Variants in CSMD2 observed in about 807,000 individuals in gnomAD.
CSMD2 encodes the protein CUB and Sushi multiple domains 2.
A neutral mutation model predicts 398.5 loss-of-function variants in CSMD2; 130 were observed. The observed-to-expected ratio is 0.33, with a 90% confidence interval of 0.28 to 0.38. The LOEUF is 0.38. Among genes scored for constraint, CSMD2 ranks in the 10% least tolerant of loss-of-function variants. The probability of loss-of-function intolerance (pLI) is 1.00; values close to 1 mark genes in which losing one functional copy is unlikely to be tolerated. For synonymous variants in CSMD2, 1,828 were observed against 1,908.5 expected (o/e 0.96, Z 1.10); for missense variants, 3,829 against 4,764.9 (o/e 0.80, Z 5.78).
chr1:34,132,570 G>A (rs1441556781), intron 1 of CSMD2, among the ~76,000 whole-genome samples: 1 of 152,206 alleles, frequency 6.6e-6, no homozygotes, highest in Non-Finnish European at 1.5e-5. Context: ...TTGTGAAGGT[G>A]TTCAGGAAAA....
chr1:33,527,417 C>G (rs568517527), intron 64 of CSMD2, among the ~76,000 whole-genome samples, 159 bp from the exon 65 acceptor site: 1 of 152,238 alleles, frequency 6.6e-6, no homozygotes, highest in Admixed American at 6.5e-5. Flanking sequence ...CTTTGATGCT[C>G]TAATGATGCT....
intron 8 of CSMD2, 128 bp downstream of exon 8, chr1:33,820,341 G>A (rs1657965735): frequency 1.4e-6 from 1 of 710,070 alleles, no homozygotes; most frequent in Non-Finnish European, 2.5e-6. Context: ...CTCTTCTCCA[G>A]GAAGTGTCTG....
At chr1:33,829,774 C>T (rs12071720) in intron 6 of CSMD2, among the ~76,000 whole-genome samples, 18,059 of 152,204 alleles carry the variant, frequency 0.12, 1,918 homozygotes, top group African/African-American at 0.29. Flanking sequence ...GGGTGACAGA[C>T]GGCACGTGGA....
At chr1:33,888,756 T>TTGTTGTTG (rs1553244526) in intron 5 of CSMD2, among the ~76,000 whole-genome samples, 2 of 148,822 alleles carry the variant, frequency 1.3e-5, no homozygotes, top group Non-Finnish European at 1.5e-5. Flanking sequence ...TCAACTGATT[T>TTGTTGTTG]TTGTTGTTGT....
intron 19 of CSMD2, among the ~76,000 whole-genome samples, chr1:33,723,619 G>C (rs953512463): frequency 6.6e-6 from 1 of 152,190 alleles, no homozygotes; most frequent in Non-Finnish European, 1.5e-5. Context: ...AGTGCAGGCT[G>C]GTGACCCATA....
At chr1:33,837,369 C>T (rs1055162926) in intron 6 of CSMD2, among the ~76,000 whole-genome samples, 2 of 150,196 alleles carry the variant, frequency 1.3e-5, no homozygotes, top group African/African-American at 2.5e-5. Context: ...GGGATATATT[C>T]ATTCATGTTG....
At position 33,605,344 on chromosome 1, in the gene CSMD2, G is replaced by A. The variant is rs1391875028; in HGVS notation, c.6470C>T (p.Pro2157Leu). 1 of 1,614,220 alleles carries A rather than the reference G, an allele frequency of 6.2e-7. No individual in the cohort carries two copies. Among genetic ancestry groups the A allele is most frequent in the South Asian group, 1.1e-5 (1 of 91,086 alleles). Residue 2157 changes from proline (P) to leucine (L), a missense_variant, in exon 42 of 71, where the codon CCT (proline) becomes CTT (leucine). Transcript: ENST00000373381. ...GGTGCCATGTTGACACGTGAGGACA[G>A]GGTGGCCAGTCAATTGATACCCCGG... ...CLPGYQLTGH[P>L]VLTCQHGTNR...
At position 33,527,940 on chromosome 1, in the gene CSMD2, CAAAAAA is replaced by C. The variant is rs61088318; in HGVS notation, c.10172-688_10172-683del. Among the ~76,000 whole-genome samples the C allele has an allele frequency of 5.8e-3, 633 of 108,538 alleles. 2 individuals are homozygous for C. Among genetic ancestry groups the C allele is most frequent in the Non-Finnish European group, 8.8e-3 (468 of 53,336 alleles). The allele number at this position is 108,538 out of a possible 152,430, so 71.2% of individuals were successfully genotyped here. On this transcript the variant is annotated intron_variant, in intron 64 of 70. Coordinates refer to ENST00000373381, the MANE Select transcript of CSMD2 (RefSeq NM_001281956.2). ...TGGGTGACGGAGTGAGACTCTGTCT[CAAAAAA>C]AAAAAAAAAAAAAAAAAGTCCTGCC... is the stretch of plus-strand genomic sequence containing the variant.
chr1:34,080,922 GA>G (rs1656999017), intron 2 of CSMD2, among the ~76,000 whole-genome samples: 1 of 2,968 alleles, frequency 3.4e-4, no homozygotes, highest in Non-Finnish European at 6.9e-4. Flanking sequence ...TAACTGAGTG[GA>G]AAGAAAGAAA....
intron 70 of CSMD2, among the ~76,000 whole-genome samples, chr1:33,517,174 A>G (rs1250447217): frequency 6.6e-6 from 1 of 152,018 alleles, no homozygotes; most frequent in Non-Finnish European, 1.5e-5. Context: ...CCATCTAGTC[A>G]CTCATTTGCA....
At chr1:34,133,971 AG>A (rs1024993285) in intron 1 of CSMD2, among the ~76,000 whole-genome samples, 1 of 144,880 alleles carries the variant, frequency 6.9e-6, no homozygotes, top group African/African-American at 2.6e-5. Context: ...CAGGAGGCTG[AG>A]GCAGGAGAAT....
chr1:34,038,612 C>T (rs1364360838), intron 2 of CSMD2, among the ~76,000 whole-genome samples: 1 of 152,152 alleles, frequency 6.6e-6, no homozygotes, highest in Non-Finnish European at 1.5e-5. Context: ...AGGATTAAAG[C>T]CAGAATCCCT....
intron 46 of CSMD2, among the ~76,000 whole-genome samples, chr1:33,584,239 AT>A (rs535497959): frequency 6.5e-4 from 99 of 152,334 alleles, no homozygotes; most frequent in Non-Finnish European, 1.1e-3. Context: ...TTTGAGTCAA[AT>A]ACACCTGGAT....
chr1:33,605,230 A>G, intron 42 of CSMD2, 52 bp downstream of exon 42: 1 of 1,540,624 alleles, frequency 6.5e-7, no homozygotes, highest in Non-Finnish European at 8.9e-7. Flanking sequence ...GCTCTGGACC[A>G]GTCTCCACGA....
chr1:33,941,039 T>C (rs538133346), intron 3 of CSMD2, among the ~76,000 whole-genome samples: 2 of 152,256 alleles, frequency 1.3e-5, no homozygotes, highest in South Asian at 2.1e-4. Context: ...ACTATAACCG[T>C]TCATGCTCTC....
intron 19 of CSMD2, among the ~76,000 whole-genome samples, chr1:33,722,941 A>G (rs1646406679): frequency 6.6e-6 from 1 of 152,098 alleles, no homozygotes; most frequent in African/African-American, 2.4e-5. Context: ...CCAATGGTTC[A>G]ACCCACTGTT....
At chr1:33,593,827 G>A (rs1639657927) in intron 44 of CSMD2, among the ~76,000 whole-genome samples, 1 of 151,914 alleles carries the variant, frequency 6.6e-6, no homozygotes, top group Admixed American at 6.6e-5. Context: ...TTTGTTCTCT[G>A]CCTTTTATAT....
chr1:33,537,549 G>A lies in CSMD2; in HGVS notation c.9692C>T (p.Ser3231Phe), dbSNP rs768529494. Residue 3231 changes from serine to phenylalanine, a missense_variant, in exon 61 of 71, where the codon TCC becomes TTC. By Grantham distance (155) the Ser-to-Phe change is radical (BLOSUM62 -2). This residue lies in a region of CSMD2 where 917 missense variants were observed against 1,199.5 expected (regional missense o/e 0.76). Coordinates refer to ENST00000373381, the MANE Select transcript of CSMD2 (RefSeq NM_001281956.2). This position sits in a 1 kb window ranked among gnomAD's most constrained non-coding sequence, Gnocchi z 4.6. ...SRGRREDRGF[S>F]YRSSVSFSCH... ...GGAGAAGGAGACAGATGACCTGTAG[G>A]AGAAGCCTCGGTCCTCTCTCCTCCC... The A allele has an allele frequency of 1.9e-6, 3 of 1,614,206 alleles. No individual in the cohort carries two copies. Among genetic ancestry groups the A allele is most frequent in the Non-Finnish European group, 1.7e-6 (2 of 1,180,034 alleles).
intron 3 of CSMD2, among the ~76,000 whole-genome samples, chr1:33,975,153 C>T (rs1645912670): frequency 6.6e-6 from 1 of 152,172 alleles, no homozygotes; most frequent in South Asian, 2.1e-4. Context: ...CAGTGTGTCA[C>T]TCTCCAGGGT....
Sources: allele counts gnomAD v4.1 joint callset (sites outside exome capture counted in the v4.1 genomes callset), GRCh38; gene constraint gnomAD v4.1.1; regional missense constraint gnomAD v4.1.1; non-coding constraint Gnocchi (gnomAD v3.1); transcripts MANE v1.5; gene names NCBI Gene and HGNC (gene_info 2026-07-23, HGNC 2026-07-21).